Variants in INAVA observed in about 807,000 individuals in gnomAD.
The protein encoded by INAVA is innate immunity activator protein.
In INAVA, 32 loss-of-function variants were observed where a neutral mutation model predicts 55.3. That is an observed-to-expected ratio of 0.58 (90% CI 0.44 to 0.78). The LOEUF is 0.78. Ranked by LOEUF, INAVA falls within the 30% of genes least tolerant of loss-of-function variation. INAVA has a pLI of 0.00. For missense variants in INAVA, 756 were observed against 786.4 expected, an observed-to-expected ratio of 0.96 and a Z score of 0.46; for synonymous variants, 294 against 329.4, an observed-to-expected ratio of 0.89 and a Z score of 1.16.
chr1:200,899,038 T>C (rs1653098571), intron 2 of INAVA, among the ~76,000 whole-genome samples: 1 of 152,164 alleles, frequency 6.6e-6, no homozygotes, highest in Non-Finnish European at 1.5e-5. Flanking sequence ...GCCAGACCTG[T>C]GGGCCTAGTC....
chr1:200,893,325 T>C (rs1327214183), upstream of INAVA, among the ~76,000 whole-genome samples: 1 of 152,238 alleles, frequency 6.6e-6, no homozygotes, highest in African/African-American at 2.4e-5. Context: ...TATAATTGAC[T>C]TTTTTAGTGA....
rs563496871 is a variant in INAVA, at chr1:200,894,943, G to T, written c.-239G>T. The T allele has an allele frequency of 1.0e-6, 1 of 985,804 alleles. No homozygotes were observed. The highest frequency in any genetic ancestry group is 1.2e-6 in the Non-Finnish European group (1 of 830,182). The allele number at this position is 985,804 out of a possible 1,614,324, so 61.1% of individuals were successfully genotyped here. ...GCAAGGTAGGCAGGTGAGCCGAGAC[G>T]GACGGACGGCCAGCAGCTCCGTCAG... is the stretch of plus-strand genomic sequence containing the variant. On this transcript the variant is annotated 5_prime_UTR_variant, in exon 1 of 10. Transcript: ENST00000413687.
intron 5 of INAVA, among the ~76,000 whole-genome samples, chr1:200,904,617 C>G: frequency 6.6e-6 from 1 of 152,328 alleles, no homozygotes; most frequent in East Asian, 1.9e-4. Context: ...ACCGTTACCC[C>G]TCTGTCTGGG....
rs201281905 is a variant in INAVA at position 200,911,506 on chromosome 1, G to T, written c.1013G>T (p.Arg338Leu). The stretch of plus-strand genomic sequence containing the variant: ...GGCCGAGGTCGCAGCGCCTTTCCCC[G>T]CCGCCGCCCCACTCACTACACGGTG... ...PEGRGRSAFPRRRPTHYTVTV... is the reference protein window; with the variant it reads ...PEGRGRSAFPLRRPTHYTVTV... Residue 338 changes from arginine to leucine, a missense_variant, in exon 9 of 10, where the codon CGC becomes CTC. Arg to Leu is a moderately radical substitution (Grantham distance 102, BLOSUM62 -2). This residue lies in a region of INAVA where 639 missense variants were observed against 624.3 expected (regional missense o/e 1.02). Transcript: ENST00000413687. 10 of 1,613,592 alleles carry T rather than the reference G, an allele frequency of 6.2e-6. No individual in the cohort carries two copies. The highest frequency in any genetic ancestry group is 8.5e-6 in the Non-Finnish European group (10 of 1,179,890).
chr1:200,902,046 C>T (rs1003128121), intron 5 of INAVA, among the ~76,000 whole-genome samples: 6 of 152,148 alleles, frequency 3.9e-5, no homozygotes, highest in Non-Finnish European at 5.9e-5. Flanking sequence ...CTCTGCCCCC[C>T]GTCTCTCACA....
intron 5 of INAVA, 54 bp downstream of exon 5, chr1:200,901,213 T>C: frequency 7.0e-7 from 1 of 1,430,140 alleles, no homozygotes; most frequent in Non-Finnish European, 9.2e-7. Context: ...TTTTGAGGGA[T>C]GGTGGGCGCA....
intron 4 of INAVA, 61 bp downstream of exon 4, chr1:200,900,281 C>A: frequency 1.4e-6 from 2 of 1,428,688 alleles, no homozygotes; most frequent in Non-Finnish European, 2.0e-6. Context: ...ACTGAGACGC[C>A]ACACCTCAGC....
chr1:200,899,726 T>G, intron 3 of INAVA, 129 bp downstream of exon 3: 1 of 1,376,096 alleles, frequency 7.3e-7, no homozygotes, highest in Non-Finnish European at 9.8e-7. Flanking sequence ...GGCTGGGGGC[T>G]GGGGCCCAGA....
chr1:200,908,684 G>C, intron 6 of INAVA, 46 bp from the exon 7 acceptor site: 1 of 1,476,452 alleles, frequency 6.8e-7, no homozygotes, highest in Non-Finnish European at 9.1e-7. Flanking sequence ...TTGTTGGGCC[G>C]GTTCCCCCAG....
At chr1:200,904,552 CTG>C (rs1653404915) in intron 5 of INAVA, among the ~76,000 whole-genome samples, 1 of 152,140 alleles carries the variant, frequency 6.6e-6, no homozygotes. Context: ...CTAGTGGCAA[CTG>C]TGTTGGACAG....
At chr1:200,909,147 A>T in intron 7 of INAVA, 77 bp from the exon 8 acceptor site, 1 of 1,449,030 alleles carries the variant, frequency 6.9e-7, no homozygotes, top group Non-Finnish European at 9.2e-7. Context: ...CTTCCACTGC[A>T]TCCCCATTCT....
chr1:200,904,773 C>T (rs1355423634), intron 5 of INAVA, among the ~76,000 whole-genome samples: 2 of 150,672 alleles, frequency 1.3e-5, no homozygotes, highest in African/African-American at 4.9e-5. Context: ...TGTTCTGTTG[C>T]TCAGGCTGGA....
chr1:200,896,336 G>A lies in INAVA; in HGVS notation c.-95+1249G>A, dbSNP rs558185549. Among the ~76,000 whole-genome samples, 10 of 151,698 alleles carry A rather than the reference G, an allele frequency of 6.6e-5. No homozygotes were observed. The South Asian group carries it at 1.0e-3, about 16-fold the overall frequency. ...GCACCCTGCTCTTGGCTTCTGGGGA[G>A]GGTGGGAGGATGGCTAGGGTGGGTG... On this transcript the variant is annotated intron_variant, in intron 1 of 9. Transcript: ENST00000413687.
rs768562886 is a variant in INAVA at position 200,909,378 on chromosome 1, G to A, written c.940G>A (p.Gly314Ser). The A allele has an allele frequency of 1.2e-6, 2 of 1,603,504 alleles. No homozygotes were observed. The highest frequency in any genetic ancestry group is 1.7e-6 in the Non-Finnish European group (2 of 1,173,850). The part of the protein sequence containing the change: ...PATPEIQGRR[G>S]QSQSLRVDSF... Reference sequence around the variant, plus strand: ...CACCCCTGAGATACAGGGGAGGAGGGGCCAGTCGCAGTCTCTGAGGTAAGA... The same window carrying A: ...CACCCCTGAGATACAGGGGAGGAGGAGCCAGTCGCAGTCTCTGAGGTAAGA... Residue 314 changes from glycine to serine, a missense_variant, in exon 8 of 10, where the codon GGC becomes AGC. By Grantham distance (56) the Gly-to-Ser change is moderately conservative (BLOSUM62 0). Around this residue, in one of 2 missense-constraint regions of INAVA, gnomAD observed 639 missense variants for 624.3 expected, o/e 1.02. Coordinates refer to ENST00000413687, the MANE Select transcript of INAVA (RefSeq NM_001142569.3).
At chr1:200,905,787 G>GCC (rs1316403489) in intron 5 of INAVA, among the ~76,000 whole-genome samples, 29 of 152,370 alleles carry the variant, frequency 1.9e-4, no homozygotes, top group South Asian at 1.2e-3. Flanking sequence ...GCCATAGTTT[G>GCC]CTAACCTCTG....
In INAVA at chr1:200,911,389, C is replaced by T. The variant is rs1289372803; in HGVS notation, c.960-64C>T. ...ACTCACCTGTTTTAACTCCACCTCC[C>T]GCCCCAACCCCAGTGTGGAGTTTCT... On this transcript the variant is annotated intron_variant, in intron 8 of 9. Transcript: ENST00000413687. The T allele has an allele frequency of 4.8e-6, 7 of 1,467,826 alleles. No individual in the cohort carries two copies. The East Asian group carries it at 1.1e-4, about 24-fold the overall frequency. 90.9% of individuals were successfully genotyped at this position (1,467,826 alleles called of 1,614,324 possible). A position where few individuals can be genotyped will look rare whatever the true frequency, so the allele number is the denominator to read the frequency against.
At chr1:200,913,282 C>T (rs1324383670) in intron 9 of INAVA, among the ~76,000 whole-genome samples, 1 of 152,146 alleles carries the variant, frequency 6.6e-6, no homozygotes, top group African/African-American at 2.4e-5. Flanking sequence ...GAGAAGTGAG[C>T]CCAGGAAAGG....
At chr1:200,903,450 C>T (rs1173879201) in intron 5 of INAVA, among the ~76,000 whole-genome samples, 4 of 151,968 alleles carry the variant, frequency 2.6e-5, no homozygotes, top group Non-Finnish European at 5.9e-5. Context: ...GATCGTGCCA[C>T]TGCACTCCAG....
chr1:200,908,604 C>G, intron 6 of INAVA, 126 bp from the exon 7 acceptor site: 3 of 784,824 alleles, frequency 3.8e-6, no homozygotes, highest in Non-Finnish European at 6.2e-6. Flanking sequence ...GGAGCCATGG[C>G]CTGCAGCAGC....
Sources: allele counts gnomAD v4.1 joint callset (sites outside exome capture counted in the v4.1 genomes callset), GRCh38; gene constraint gnomAD v4.1.1; regional missense constraint gnomAD v4.1.1; transcripts MANE v1.5; gene names NCBI Gene and HGNC (gene_info 2026-07-23, HGNC 2026-07-21).